Variants in SPDYA observed in about 807,000 individuals in gnomAD.
SPDYA encodes speedy protein A.
A neutral mutation model predicts 36.7 loss-of-function variants in SPDYA; 11 were observed. That is an observed-to-expected ratio of 0.30 (90% CI 0.19 to 0.50). The LOEUF (loss-of-function observed/expected upper bound fraction) is 0.50, where lower values mean the gene tolerates loss of function less well. Ranked by LOEUF, SPDYA falls within the 20% of genes least tolerant of loss-of-function variation. The pLI, the probability that SPDYA is intolerant of heterozygous loss-of-function variation, is 0.98. For synonymous variants in SPDYA, 115 were observed against 118.7 expected (o/e 0.97, Z 0.20); for missense variants, 287 against 370.9 (o/e 0.77, Z 1.86).
intron 7 of SPDYA, among the ~76,000 whole-genome samples, chr2:28,845,374 A>T (rs753120045): frequency 4.1e-4 from 61 of 150,028 alleles, no homozygotes; most frequent in Non-Finnish European, 8.4e-4. Context: ...GGGGTTACAG[A>T]TGTAAATCAC....
At chr2:28,828,143 C>A (rs573658899) in intron 5 of SPDYA, among the ~76,000 whole-genome samples, 1 of 151,856 alleles carries the variant, frequency 6.6e-6, no homozygotes, top group Admixed American at 6.6e-5. Context: ...CAGGCCACCA[C>A]GCCCAGCTAA....
At chr2:28,848,153 A>G (rs1390836111) in intron 7 of SPDYA, among the ~76,000 whole-genome samples, 1 of 152,240 alleles carries the variant, frequency 6.6e-6, no homozygotes, top group Non-Finnish European at 1.5e-5. Context: ...TCATTATTAT[A>G]TAAATGTTCA....
chr2:28,817,707 C>G (rs1160190072), intron 3 of SPDYA, among the ~76,000 whole-genome samples: 2 of 151,324 alleles, frequency 1.3e-5, no homozygotes, highest in Non-Finnish European at 2.9e-5. Flanking sequence ...GAAACCCCAT[C>G]AGGCGTGGTG....
At chr2:28,842,859 T>C (rs1196463258) in intron 7 of SPDYA, among the ~76,000 whole-genome samples, 1 of 151,756 alleles carries the variant, frequency 6.6e-6, no homozygotes, top group Non-Finnish European at 1.5e-5. Flanking sequence ...GCTACAGGAG[T>C]GGGATAAGTC....
chr2:28,844,804 G>A (rs1558333028), intron 7 of SPDYA, among the ~76,000 whole-genome samples: 2 of 151,908 alleles, frequency 1.3e-5, no homozygotes, highest in African/African-American at 2.4e-5. Flanking sequence ...CATGGTGCGG[G>A]TGCCTGTAGT....
At chr2:28,812,590 C>T (rs1484511924) in intron 1 of SPDYA, among the ~76,000 whole-genome samples, 1 of 151,980 alleles carries the variant, frequency 6.6e-6, no homozygotes, top group Non-Finnish European at 1.5e-5. Context: ...AGCATGGTGT[C>T]TCACGCCTGT....
chr2:28,838,816 A>G (rs1418432684), intron 6 of SPDYA, among the ~76,000 whole-genome samples: 4 of 152,158 alleles, frequency 2.6e-5, no homozygotes, highest in Non-Finnish European at 5.9e-5. Context: ...TACTAAAAAT[A>G]CAAAAATTAG....
In SPDYA at chr2:28,811,492, C is replaced by T. The variant is rs1667843851; in HGVS notation, c.-93+545C>T. On this transcript the variant is annotated intron_variant, in intron 1 of 7. Transcript: ENST00000334056. The surrounding 1 kb of genome is among the most constrained non-coding windows in gnomAD (Gnocchi z 4.2). ...AGCTGCTGTGTCTCAGTACCAGGCC[C>T]GTAGCTCATTTCTCAGAATTCACGA... Among the ~76,000 whole-genome samples, 1 of 152,210 alleles carries T rather than the reference C, an allele frequency of 6.6e-6. No individual in the cohort carries two copies. The highest frequency in any genetic ancestry group is 6.5e-5 in the Admixed American group (1 of 15,286).
At chr2:28,837,325 A>AAT (rs1668627647) in intron 6 of SPDYA, among the ~76,000 whole-genome samples, 1 of 152,168 alleles carries the variant, frequency 6.6e-6, no homozygotes, top group Non-Finnish European at 1.5e-5. Context: ...GTAAGTTTCA[A>AAT]ATATATATAA....
chr2:28,831,055 C>A (rs1257179387), intron 6 of SPDYA, among the ~76,000 whole-genome samples: 1 of 152,054 alleles, frequency 6.6e-6, no homozygotes, highest in African/African-American at 2.4e-5. Flanking sequence ...TATATTATTT[C>A]TTTTAATTTA....
intron 7 of SPDYA, among the ~76,000 whole-genome samples, chr2:28,847,754 AAAAG>A (rs1488848004): frequency 5.2e-5 from 7 of 134,100 alleles, no homozygotes; most frequent in South Asian, 2.5e-4. Flanking sequence ...TCAAAAAAAA[AAAAG>A]AAAAAGAAAA....
At chr2:28,823,716 TATATATATATATA>T (rs1668231864) in intron 5 of SPDYA, among the ~76,000 whole-genome samples, 3 of 86,826 alleles carry the variant, frequency 3.5e-5, no homozygotes, top group Non-Finnish European at 7.2e-5. Flanking sequence ...TATATATATA[TATATATATATATA>T]TATATATATA....
chr2:28,840,793 G>A, intron 7 of SPDYA: 10 of 1,018,552 alleles, frequency 9.8e-6, no homozygotes, highest in Non-Finnish European at 1.2e-5. Flanking sequence ...AAATTTACTT[G>A]TAATCTCACC....
chr2:28,823,702 AATATATATATATAT>A (rs1160889916), intron 5 of SPDYA, among the ~76,000 whole-genome samples: 4,388 of 49,224 alleles, frequency 0.089, 241 homozygotes, highest in East Asian at 0.17. Context: ...GGAATGCATG[AATATATATATATAT>A]ATATATATAT....
At chr2:28,812,685 C>G (rs1365161554) in intron 1 of SPDYA, among the ~76,000 whole-genome samples, 1 of 151,866 alleles carries the variant, frequency 6.6e-6, no homozygotes, top group South Asian at 2.1e-4. Context: ...GGCGAAACCC[C>G]ATCTCTACTG....
At chr2:28,822,639 C>T (rs1043874967) in intron 5 of SPDYA, among the ~76,000 whole-genome samples, 3 of 152,020 alleles carry the variant, frequency 2.0e-5, no homozygotes, top group Admixed American at 6.6e-5. Flanking sequence ...GAAGGAATCT[C>T]GCTGTGTTGC....
chr2:28,811,730 G>T lies in SPDYA; in HGVS notation c.-93+783G>T, dbSNP rs901105450. Among the ~76,000 whole-genome samples, 1 of 152,094 alleles carries T rather than the reference G, an allele frequency of 6.6e-6. No individual in the cohort carries two copies. Among genetic ancestry groups the T allele is most frequent in the South Asian group, 2.1e-4 (1 of 4,826 alleles). On this transcript the variant is annotated intron_variant, in intron 1 of 7. Transcript: ENST00000334056. The surrounding 1 kb of genome is among the most constrained non-coding windows in gnomAD (Gnocchi z 4.2). ...CCAGCTACTTGGGAGGCTGAGGCGG[G>T]AGAATCGCTTGAACCCTGGAAGCGG...
At chr2:28,836,660 G>A (rs1668613761) in intron 6 of SPDYA, among the ~76,000 whole-genome samples, 1 of 152,070 alleles carries the variant, frequency 6.6e-6, no homozygotes, top group African/African-American at 2.4e-5. Context: ...TCCCTTTTGG[G>A]TCTAAGCTCA....
chr2:28,827,009 G>A (rs6547884), intron 5 of SPDYA, among the ~76,000 whole-genome samples: 147,824 of 148,838 alleles, frequency 0.99, 73,416 homozygotes, highest in Middle Eastern at 1. Context: ...TGGAGTGCTC[G>A]GCTCACTGCA....
Sources: gnomAD v4.1 joint callset for allele counts (sites outside exome capture counted in the v4.1 genomes callset) on GRCh38, gnomAD v4.1.1 for gene constraint, Gnocchi (gnomAD v3.1) non-coding constraint, MANE v1.5 for transcripts, NCBI Gene and HGNC (gene_info 2026-07-23, HGNC 2026-07-21) for gene names.